Variants in RADIL observed in about 807,000 individuals in gnomAD.
The protein encoded by RADIL is ras-associating and dilute domain-containing protein.
Under a neutral mutation model 97.6 loss-of-function variants are expected in RADIL, and 99 were observed. That is an observed-to-expected ratio of 1.01 (90% confidence interval 0.86 to 1.20). RADIL has a LOEUF of 1.20. Among genes scored for constraint, RADIL ranks in the 50% most tolerant of loss-of-function variants. The pLI, the probability that RADIL is intolerant of heterozygous loss-of-function variation, is 0.00. For missense variants in RADIL, 1,765 were observed against 1,498.9 expected (o/e 1.18, Z -2.93); for synonymous variants, 803 against 691.8 (o/e 1.16, Z -2.52).
Position 4,819,823 on chromosome 7 carries a change from C to A in RADIL, c.1616-2472G>T, listed in dbSNP as rs1181793193. Among the ~76,000 whole-genome samples, 1 of 152,240 alleles carries A rather than the reference C, an allele frequency of 6.6e-6. No homozygotes were observed. Among genetic ancestry groups the A allele is most frequent in the Non-Finnish European group, 1.5e-5 (1 of 68,040 alleles). ...CTGCCTGGCCCTCGACACCCGGAGC[C>A]TGCAGGCATCCCTGGGCCCTGGCTC... On this transcript the variant is annotated intron_variant, in intron 6 of 14. Coordinates refer to ENST00000399583, the MANE Select transcript of RADIL (RefSeq NM_018059.5). The surrounding 1 kb of genome is among the most constrained non-coding windows in gnomAD (Gnocchi z 5.8).
At chr7:4,811,414 A>C (rs1782541152) in intron 9 of RADIL, 1 of 150,952 alleles carries the variant, frequency 6.6e-6, no homozygotes, top group Non-Finnish European at 1.5e-5. Context: ...CTGGTGTTTT[A>C]AAGTGAGGTA....
In RADIL at chr7:4,835,209, G is replaced by C; in HGVS notation, c.814C>G (p.Arg272Gly). 6.2e-7 allele frequency: 1 copy of C among 1,611,322 alleles called. No homozygotes were observed. The highest frequency in any genetic ancestry group is 8.5e-7 in the Non-Finnish European group (1 of 1,179,846). ...GGGGTCCGCTGGCCCACCGTGTGCC[G>C]GTCCCGGTTGAGCACATACACCAGG... ...DSLVYVLNRD[R>G]HTVGQRTPSS... The change falls in exon 4 of 15, where the codon CGG becomes GGG. Residue 272 changes from arginine (R) to glycine (G), a missense_variant. Arg to Gly is a moderately radical substitution (Grantham distance 125). Coordinates refer to ENST00000399583, the MANE Select transcript of RADIL (RefSeq NM_018059.5). The surrounding 1 kb of genome is among the most constrained non-coding windows in gnomAD (Gnocchi z 5.8).
intron 7 of RADIL, 136 bp from the exon 8 acceptor site, chr7:4,816,601 GC>G: frequency 1.4e-6 from 1 of 699,560 alleles, no homozygotes; most frequent in Non-Finnish European, 2.4e-6. Context: ...TGCTGGACAG[GC>G]CATGGCTTTG....
intron 2 of RADIL, among the ~76,000 whole-genome samples, chr7:4,839,712 A>G (rs993948298): frequency 2.0e-5 from 3 of 152,186 alleles, no homozygotes; most frequent in African/African-American, 4.8e-5. Flanking sequence ...GGTGTCAGAT[A>G]AATGTAACTG....
chr7:4,802,061 T>C, intron 11 of RADIL, 66 bp from the exon 12 acceptor site: 1 of 1,334,750 alleles, frequency 7.5e-7, no homozygotes, highest in Non-Finnish European at 1.0e-6. Flanking sequence ...CTCGGGCAAC[T>C]GGGCAGCCTG....
chr7:4,799,632 C>A lies in RADIL; in HGVS notation c.3120G>T (p.Leu1040=). The change falls in exon 14 of 15, where the codon CTG becomes CTT. Residue 1040 remains leucine (L), a splice_region_variant and synonymous_variant. Transcript: ENST00000399583. The stretch of plus-strand genomic sequence containing the variant: ...GGGCGTGCATGCGGTGGGGGTACCT[C>A]AGGTAGCCAAGGCCCAGGAGGCTGC... ...NGSSLLGLGY[L]RAVDLIRHGG... is the part of the protein sequence containing the mutation. 1 of 1,605,320 alleles carries A rather than the reference C, an allele frequency of 6.2e-7. No individual in the cohort carries two copies. The highest frequency in any genetic ancestry group is 8.5e-7 in the Non-Finnish European group (1 of 1,176,312).
chr7:4,846,221 A>C (rs796310027), intron 2 of RADIL, among the ~76,000 whole-genome samples: 21 of 147,874 alleles, frequency 1.4e-4, no homozygotes, highest in African/African-American at 5.2e-4. Flanking sequence ...CCTCCGACTC[A>C]CTGCAACCTC....
Position 4,799,384 on chromosome 7 carries a change from AG to A in RADIL, c.3221del (p.Pro1074LeufsTer32). The stretch of plus-strand genomic sequence containing the variant: ...GGGTGTCCTCGCAGCCCCCCTAGAG[AG>A]GGGGCGTGCGGAAATGGATCTTCTT... Reference protein sequence around the residue: ...TAKKIHFRTPPL With the variant: ...TAKKIHFRTPXL On this transcript the variant is annotated frameshift_variant, in exon 15 of 15. Transcript: ENST00000399583. LOFTEE classifies it high-confidence loss of function. 4 of 1,613,302 alleles carry A rather than the reference AG, an allele frequency of 2.5e-6. No homozygotes were observed. The highest frequency in any genetic ancestry group is 3.4e-6 in the Non-Finnish European group (4 of 1,179,758).
intron 2 of RADIL, among the ~76,000 whole-genome samples, chr7:4,846,681 G>T (rs1012086346): frequency 3.3e-5 from 5 of 151,770 alleles, no homozygotes; most frequent in Admixed American, 6.6e-5. Flanking sequence ...AAGTAGCTGG[G>T]ATTACAGGTG....
chr7:4,800,212 G>C lies in RADIL; in HGVS notation c.2941C>G (p.Arg981Gly), dbSNP rs767435307. The C allele has an allele frequency of 3.7e-6, 6 of 1,607,958 alleles. 1 individual carries two copies. The highest frequency in any genetic ancestry group is 2.2e-5 in the East Asian group (1 of 44,646). Residue 981 changes from arginine (R) to glycine (G), a missense_variant, in exon 13 of 15, where the codon CGA (arginine) becomes GGA (glycine). Physicochemically the swap from Arg to Gly is moderately radical, Grantham distance 125 (BLOSUM62 -2). Transcript: ENST00000399583. ...CCCATCCCCAGCCCGGAGGGGCCTCGTTCCAGCTCCACCGTGAAGACGTAG... is the reference window on the plus strand; with the variant it reads ...CCCATCCCCAGCCCGGAGGGGCCTCCTTCCAGCTCCACCGTGAAGACGTAG... ...FCYVFTVELE[R>G]GPSGLGMGLI...
rs1782091342 is a variant in RADIL at position 4,801,699 on chromosome 7, C to T, written c.2796G>A (p.Glu932=). ...GGCCGCTGAGTCCGTTCCTCTGCCT[C>T]TCTGGGAGCGCTTTTCCACAGGGGC... ...SGGPCGKALP[E]RQRNGLSGLR... The change falls in exon 12 of 15, where the codon GAG becomes GAA. Residue 932 remains glutamate, a synonymous_variant. Transcript: ENST00000399583. 3 of 1,609,658 alleles carry T rather than the reference C, an allele frequency of 1.9e-6. No individual in the cohort carries two copies. The highest frequency in any genetic ancestry group is 8.5e-7 in the Non-Finnish European group (1 of 1,178,772).
chr7:4,799,822 G>A, intron 13 of RADIL, 53 bp from the exon 14 acceptor site: 1 of 1,450,310 alleles, frequency 6.9e-7, no homozygotes, highest in Non-Finnish European at 9.0e-7. Flanking sequence ...GCTGTCCCCA[G>A]CGAGGACCAC....
In RADIL at chr7:4,816,439, G is replaced by A; in HGVS notation, c.1755C>T (p.Leu585=). The A allele has an allele frequency of 6.2e-7, 1 of 1,607,592 alleles. No homozygotes were observed. The highest frequency in any genetic ancestry group is 1.3e-5 in the African/African-American group (1 of 74,980). ...SKSLYICLPA[L]LECPPFQTER... ...CCGTCTGGAATGGCGGGCACTCCAG[G>A]AGTGCCGGGAGGCAGATGTACAGGG... Residue 585 remains leucine (L), a synonymous_variant, in exon 8 of 15, where the codon CTC becomes CTT. Coordinates refer to ENST00000399583, the MANE Select transcript of RADIL (RefSeq NM_018059.5).
chr7:4,804,051 C>A, intron 10 of RADIL: 1 of 446,738 alleles, frequency 2.2e-6, no homozygotes, highest in South Asian at 2.1e-5. Context: ...GGGCCTGTCT[C>A]TGCCCCACTG....
intron 13 of RADIL, 98 bp from the exon 14 acceptor site, chr7:4,799,867 C>G (rs1782020415): frequency 1.4e-6 from 2 of 1,423,150 alleles, no homozygotes; most frequent in South Asian, 3.0e-5. Flanking sequence ...AGGCCCCCGC[C>G]TGGCATCCAG....
chr7:4,800,233 CGTAGCAGAA>C lies in RADIL; in HGVS notation c.2911_2919del (p.Phe971_Tyr973del). Reference sequence around the variant, plus strand: ...CCTCGTTCCAGCTCCACCGTGAAGACGTAGCAGAAGTCCTCGGTGCTGGAGCTGCGGCTG... The same window carrying C: ...CCTCGTTCCAGCTCCACCGTGAAGACGTCCTCGGTGCTGGAGCTGCGGCTG... On this transcript the variant is annotated inframe_deletion, in exon 13 of 15. Transcript: ENST00000399583. 6.2e-7 allele frequency: 1 copy of C among 1,601,392 alleles called. No homozygotes were observed.
chr7:4,846,126 T>C lies in RADIL; in HGVS notation c.536-9521A>G, dbSNP rs60384870. Among the ~76,000 whole-genome samples the C allele has an allele frequency of 4.7e-3, 153 of 32,270 alleles. 1 individual carries two copies. In the South Asian group the frequency reaches 0.068, roughly 14 times the overall value. 21.2% of individuals were successfully genotyped at this position (32,270 alleles called of 152,430 possible). The stretch of plus-strand genomic sequence containing the variant: ...TTTGTTCCAGAGCTACAATCTTCTT[T>C]TTTTTTTTTTTTTTTTTTTAAAGAG... On this transcript the variant is annotated intron_variant, in intron 2 of 14. Transcript: ENST00000399583.
rs555843045 is a variant in RADIL at position 4,799,713 on chromosome 7, G to A, written c.3039C>T (p.Pro1013=). The A allele has an allele frequency of 2.6e-5, 40 of 1,567,308 alleles. No individual in the cohort carries two copies. In the South Asian group the frequency reaches 3.4e-4, roughly 13 times the overall value. Residue 1013 remains proline, a synonymous_variant, in exon 14 of 15, where the codon CCC becomes CCT. Transcript: ENST00000399583. ...GCGACAGGCGCCCGTCGGCCGCTGC[G>A]GGGCTGCCCGGGAGCAGGGTCTGGA... is the stretch of plus-strand genomic sequence containing the variant. ...LYIQTLLPGS[P]AAADGRLSLG...
In RADIL at chr7:4,819,171, A is replaced by G. The variant is rs1026917941; in HGVS notation, c.1616-1820T>C. Among the ~76,000 whole-genome samples, 1 of 151,542 alleles carries G rather than the reference A, an allele frequency of 6.6e-6. No homozygotes were observed. The highest frequency in any genetic ancestry group is 6.6e-5 in the Admixed American group (1 of 15,210). On this transcript the variant is annotated intron_variant, in intron 6 of 14. Coordinates refer to ENST00000399583, the MANE Select transcript of RADIL (RefSeq NM_018059.5). This position sits in a 1 kb window ranked among gnomAD's most constrained non-coding sequence, Gnocchi z 5.8. Reference sequence around the variant, plus strand: ...ACTGCAGCCTCAGCTTTCCAGGTTCAAGCGATTCTCCTGCCTCAGCCTCCC... The same window carrying G: ...ACTGCAGCCTCAGCTTTCCAGGTTCGAGCGATTCTCCTGCCTCAGCCTCCC...
Sources: allele counts gnomAD v4.1 joint callset (sites outside exome capture counted in the v4.1 genomes callset), GRCh38; gene constraint gnomAD v4.1.1; non-coding constraint Gnocchi (gnomAD v3.1); transcripts MANE v1.5; gene names NCBI Gene and HGNC (gene_info 2026-07-23, HGNC 2026-07-21).